The following CRACDL variants were observed in gnomAD, a reference collection of about 807,000 sequenced individuals.
CRACDL encodes CRACD like, also known as CRACD-like protein.
A neutral mutation model predicts 70.6 loss-of-function variants in CRACDL; 26 were observed. The ratio of observed to expected loss-of-function variants is 0.37; its 90% CI spans 0.27 to 0.51. The LOEUF (loss-of-function observed/expected upper bound fraction) is 0.51. Among genes scored for constraint, CRACDL ranks in the 20% least tolerant of loss-of-function variants. CRACDL has a pLI of 0.94. For synonymous variants in CRACDL, 618 were observed against 615.2 expected (o/e 1.00, Z -0.07); for missense variants, 1,283 against 1,376.9 (o/e 0.93, Z 1.08).
At chr2:98,879,281 C>A (rs1381073263) in intron 1 of CRACDL, among the ~76,000 whole-genome samples, 1 of 152,176 alleles carries the variant, frequency 6.6e-6, no homozygotes, top group Non-Finnish European at 1.5e-5. Context: ...AACCTGCACT[C>A]GCTTTTATTA....
chr2:98,914,639 G>A (rs377557280), intron 1 of CRACDL, among the ~76,000 whole-genome samples: 17 of 152,286 alleles, frequency 1.1e-4, no homozygotes, highest in African/African-American at 4.1e-4. Context: ...ACCAGCCTTC[G>A]CCTGCTTCTG....
At chr2:98,909,040 G>C (rs1708482742) in intron 1 of CRACDL, among the ~76,000 whole-genome samples, 1 of 152,208 alleles carries the variant, frequency 6.6e-6, no homozygotes, top group Non-Finnish European at 1.5e-5. Flanking sequence ...TGAGAGTACA[G>C]GATGTATAAA....
intron 1 of CRACDL, among the ~76,000 whole-genome samples, chr2:98,869,745 G>A (rs533444850): frequency 1.5e-4 from 23 of 152,192 alleles, no homozygotes; most frequent in South Asian, 1.2e-3. Context: ...TGGGAGGCAC[G>A]CTCGTCTCTG....
intron 1 of CRACDL, among the ~76,000 whole-genome samples, chr2:98,903,235 A>T (rs553062038): frequency 6.6e-6 from 1 of 152,184 alleles, no homozygotes; most frequent in Non-Finnish European, 1.5e-5. Context: ...TGAAGCCACA[A>T]GGAGCTCCCT....
chr2:98,796,546 A>T (rs1703829984), intron 8 of CRACDL, among the ~76,000 whole-genome samples: 1 of 152,234 alleles, frequency 6.6e-6, no homozygotes, highest in African/African-American at 2.4e-5. Context: ...TTGAAAGTCA[A>T]GATTTGTTTA....
At chr2:98,811,453 C>T (rs1019180401) in intron 7 of CRACDL, among the ~76,000 whole-genome samples, 3 of 139,674 alleles carry the variant, frequency 2.1e-5, no homozygotes, top group African/African-American at 5.4e-5. Context: ...GAGGCTGCAG[C>T]GAGCCAAGAT....
In CRACDL at chr2:98,794,370, C is replaced by T; in HGVS notation, c.*162G>A. ...CCCAGGAGTATGGCTGTGTGTTTAT[C>T]CTCTTTGTTTTGCCTGGTTCCTTCC... On this transcript the variant is annotated 3_prime_UTR_variant, in exon 10 of 10. Transcript: ENST00000397899. 2 of 618,500 alleles carry T rather than the reference C, an allele frequency of 3.2e-6. No homozygotes were observed. Among genetic ancestry groups the T allele is most frequent in the South Asian group, 4.4e-5 (2 of 45,246 alleles). The allele number at this position is 618,500 out of a possible 1,614,324, so 38.3% of individuals were successfully genotyped here. A position where few individuals can be genotyped will look rare whatever the true frequency, so the allele number is the denominator to read the frequency against.
chr2:98,872,003 A>T (rs1287142586), intron 1 of CRACDL, among the ~76,000 whole-genome samples: 1 of 152,218 alleles, frequency 6.6e-6, no homozygotes, highest in Non-Finnish European at 1.5e-5. Flanking sequence ...AAAAGAATGA[A>T]ATCATGTCCT....
chr2:98,836,654 T>C (rs1026704511), intron 3 of CRACDL, among the ~76,000 whole-genome samples: 23 of 152,200 alleles, frequency 1.5e-4, no homozygotes, highest in African/African-American at 5.1e-4. Flanking sequence ...AACTGTGTGC[T>C]CCAGTCAAGA....
chr2:98,824,339 T>A (rs1277378217), intron 6 of CRACDL, among the ~76,000 whole-genome samples: 2 of 141,494 alleles, frequency 1.4e-5, no homozygotes, highest in African/African-American at 5.3e-5. Context: ...CAAGGACTAT[T>A]TCAAACTCTC....
chr2:98,926,920 C>T (rs956179982), intron 1 of CRACDL, among the ~76,000 whole-genome samples: 4 of 152,226 alleles, frequency 2.6e-5, no homozygotes, highest in East Asian at 1.9e-4. Context: ...GACAGCCCCT[C>T]GCAACCCACC....
intron 1 of CRACDL, among the ~76,000 whole-genome samples, chr2:98,877,245 T>C (rs1707508943): frequency 6.6e-6 from 1 of 152,228 alleles, no homozygotes. Context: ...TGACTTGTGA[T>C]CAGTCATTTC....
intron 1 of CRACDL, among the ~76,000 whole-genome samples, chr2:98,874,639 A>G (rs1487856121): frequency 6.6e-6 from 1 of 152,214 alleles, no homozygotes; most frequent in Non-Finnish European, 1.5e-5. Flanking sequence ...TGGAACAACA[A>G]GGGACTGCAG....
rs138027601 is a variant in CRACDL at position 98,902,394 on chromosome 2, C to T, written c.-11+33544G>A. ...AGGAAACATAATCCTTCTGCTGAGA[C>T]GGGATCAAGACCTTTCCCTTGAGGA... On this transcript the variant is annotated intron_variant, in intron 1 of 9. Transcript: ENST00000397899. 2.9e-3 allele frequency among the ~76,000 whole-genome samples: 441 copies of T among 152,222 alleles called. 2 individuals are homozygous for T. The highest frequency in any genetic ancestry group is 0.01 in the African/African-American group (421 of 41,522).
In CRACDL at chr2:98,822,699, G is replaced by T; in HGVS notation, c.1574C>A (p.Pro525His). The change falls in exon 7 of 10, where the codon CCC (proline) becomes CAC (histidine). Residue 525 changes from proline (P) to histidine (H), a missense_variant. Transcript: ENST00000397899. The surrounding 1 kb of genome is among the most constrained non-coding windows in gnomAD (Gnocchi z 4.9). ...CTCTGCGTCGAGGGAACCGGGGCCGGGCTCCACCGGGGGAGACTCCGCAGC... is the reference window on the plus strand; with the variant it reads ...CTCTGCGTCGAGGGAACCGGGGCCGTGCTCCACCGGGGGAGACTCCGCAGC... ...LAAAESPPVE[P>H]GPGSLDAEAA... 1.6e-6 allele frequency: 2 copies of T among 1,266,566 alleles called. No individual in the cohort carries two copies. The highest frequency in any genetic ancestry group is 2.0e-6 in the Non-Finnish European group (2 of 1,009,612). The allele number at this position is 1,266,566 out of a possible 1,614,324, so 78.5% of individuals were successfully genotyped here.
rs763433587 is a variant in CRACDL at position 98,827,081 on chromosome 2, C to T, written c.629G>A (p.Ser210Asn). The T allele has an allele frequency of 1.2e-6, 2 of 1,614,176 alleles. No individual in the cohort carries two copies. Among genetic ancestry groups the T allele is most frequent in the East Asian group, 2.2e-5 (1 of 44,874 alleles). Residue 210 changes from serine (S) to asparagine (N), a missense_variant, in exon 6 of 10, where the codon AGT becomes AAT. Ser to Asn is a conservative substitution (Grantham distance 46). This residue lies in a region of CRACDL where 362 missense variants were observed against 495.0 expected (regional missense o/e 0.73). Transcript: ENST00000397899. ...GCAGGAGGAGGATTCTGCAGGATAA[C>T]TGAAGTCAGCCACTGGTGCCAGGCT... ...DNSLAPVADF[S>N]YPAESSSCLD...
At chr2:98,918,539 C>CAAAAAAAAAAAAAAAA (rs58312556) in intron 1 of CRACDL, among the ~76,000 whole-genome samples, 63 of 66,342 alleles carry the variant, frequency 9.5e-4, no homozygotes, top group Non-Finnish European at 1.3e-3. Context: ...TGTTGTCTAC[C>CAAAAAAAAAAAAAAAA]AAAAAAAAAA....
At position 98,804,684 on chromosome 2, in the gene CRACDL, T is replaced by A. The variant is rs138628595; in HGVS notation, c.2417-7147A>T. On this transcript the variant is annotated intron_variant, in intron 7 of 9. Coordinates refer to ENST00000397899, the MANE Select transcript of CRACDL (RefSeq NM_207362.3). Reference sequence around the variant, plus strand: ...GCTGTGATGTGCCCGATGGAGATAATGTGTGTTTCAGATAAGCTTCATTCA... The same window carrying A: ...GCTGTGATGTGCCCGATGGAGATAAAGTGTGTTTCAGATAAGCTTCATTCA... Among the ~76,000 whole-genome samples, 13 of 152,272 alleles carry A rather than the reference T, an allele frequency of 8.5e-5. No individual in the cohort carries two copies. The East Asian group carries it at 2.5e-3, about 29-fold the overall frequency.
At position 98,796,415 on chromosome 2, in the gene CRACDL, C is replaced by T. The variant is rs1206501822; in HGVS notation, c.2605-151G>A. The T allele has an allele frequency of 1.4e-5, 10 of 702,482 alleles. No individual in the cohort carries two copies. The Admixed American group carries it at 1.5e-4, about 11-fold the overall frequency. The allele number at this position is 702,482 out of a possible 1,614,324, so 43.5% of individuals were successfully genotyped here. On this transcript the variant is annotated intron_variant, in intron 8 of 9. Transcript: ENST00000397899. The stretch of plus-strand genomic sequence containing the variant: ...GGGCGCCCTGGTGTCAGCTCACTAA[C>T]ACCGAGTGGTCAGATGCTGGCGCTG...
Sources: gnomAD v4.1 joint callset for allele counts (sites outside exome capture counted in the v4.1 genomes callset) on GRCh38, gnomAD v4.1.1 for gene constraint, gnomAD v4.1.1 regional missense constraint, Gnocchi (gnomAD v3.1) non-coding constraint, MANE v1.5 for transcripts, NCBI Gene and HGNC (gene_info 2026-07-23, HGNC 2026-07-21) for gene names.